PPP2R5E: variants seen among roughly 807,000 people sequenced by gnomAD.
PPP2R5E encodes the protein serine/threonine-protein phosphatase 2A 56 kDa regulatory subunit epsilon isoform.
Under a neutral mutation model 65.3 loss-of-function variants are expected in PPP2R5E, and 4 were observed. The ratio of observed to expected loss-of-function variants is 0.06; its 90% CI spans 0.03 to 0.14. PPP2R5E has a LOEUF of 0.14. PPP2R5E is among the 10% of genes least tolerant of loss of function. The probability of loss-of-function intolerance (pLI) is 1.00; values close to 1 mark genes in which losing one functional copy is unlikely to be tolerated. For missense variants in PPP2R5E, 274 were observed against 556.1 expected (o/e 0.49, Z 5.10); for synonymous variants, 183 against 187.4 (o/e 0.98, Z 0.19).
At chr14:63,538,055 TG>T (rs1294518356) in intron 2 of PPP2R5E, among the ~76,000 whole-genome samples, 2 of 152,076 alleles carry the variant, frequency 1.3e-5, no homozygotes, top group Admixed American at 1.3e-4. Context: ...GCCTAAATCC[TG>T]GCATGGGAAC....
intron 1 of PPP2R5E, among the ~76,000 whole-genome samples, chr14:63,540,555 A>G (rs957369088): frequency 6.6e-6 from 1 of 150,660 alleles, no homozygotes; most frequent in African/African-American, 2.4e-5. Flanking sequence ...TCTCTAATAA[A>G]AAAAAAAAAA....
In PPP2R5E at chr14:63,467,227, AAAAC is replaced by A. The variant is rs915267428; in HGVS notation, c.158-13346_158-13343del. 7.2e-5 allele frequency among the ~76,000 whole-genome samples: 10 copies of A among 139,072 alleles called. 1 individual carries two copies. Among genetic ancestry groups the A allele is most frequent in the Non-Finnish European group, 1.0e-4 (7 of 67,454 alleles). The allele number at this position is 139,072 out of a possible 152,430, so 91.2% of individuals were successfully genotyped here. A position where few individuals can be genotyped will look rare whatever the true frequency, so the allele number is the denominator to read the frequency against. ...GACAGAGCAAGACTCCGTCTCAAAAAAAACAAACAAACAAACAAAAAAAACACTA... is the reference window on the plus strand; with the variant it reads ...GACAGAGCAAGACTCCGTCTCAAAAAAAACAAACAAACAAAAAAAACACTA... On this transcript the variant is annotated intron_variant, in intron 2 of 13. Transcript: ENST00000337537.
At chr14:63,429,688 TG>T (rs1416637694) in intron 3 of PPP2R5E, among the ~76,000 whole-genome samples, 38 of 151,562 alleles carry the variant, frequency 2.5e-4, no homozygotes, top group African/African-American at 9.0e-4. Context: ...TTTTGTTTTT[TG>T]TTTTTTTTTT....
intron 4 of PPP2R5E, among the ~76,000 whole-genome samples, chr14:63,420,447 TA>T (rs145243596): frequency 2.0e-5 from 3 of 149,942 alleles, no homozygotes; most frequent in African/African-American, 4.9e-5. Context: ...TCTGGGACCT[TA>T]AAAAAAAAAT....
chr14:63,525,969 G>T lies in PPP2R5E; in HGVS notation c.157+13560C>A, dbSNP rs1382296248. ...CCGCATGGGTTCAAGAGATTCTCCTGCCTCAGCCTCCCAAGTAGCTGAGAT... is the reference window on the plus strand; with the variant it reads ...CCGCATGGGTTCAAGAGATTCTCCTTCCTCAGCCTCCCAAGTAGCTGAGAT... On this transcript the variant is annotated intron_variant, in intron 2 of 13. Coordinates refer to ENST00000337537, the MANE Select transcript of PPP2R5E (RefSeq NM_006246.5). 5.3e-5 allele frequency among the ~76,000 whole-genome samples: 8 copies of T among 152,240 alleles called. No homozygotes were observed. The South Asian group carries it at 1.7e-3, about 32-fold the overall frequency.
intron 10 of PPP2R5E, among the ~76,000 whole-genome samples, chr14:63,390,545 T>C (rs915442781): frequency 8.5e-5 from 13 of 152,172 alleles, no homozygotes; most frequent in Non-Finnish European, 1.8e-4. Context: ...GCAATCAAAA[T>C]ATGAAAAATA....
chr14:63,403,630 T>A, intron 5 of PPP2R5E, among the ~76,000 whole-genome samples: 1 of 141,206 alleles, frequency 7.1e-6, no homozygotes, highest in Admixed American at 7.2e-5. Flanking sequence ...AGGAAGAAGG[T>A]CTCCAAGAAA....
At chr14:63,465,956 G>T (rs1329065552) in intron 2 of PPP2R5E, among the ~76,000 whole-genome samples, 1 of 152,050 alleles carries the variant, frequency 6.6e-6, no homozygotes, top group East Asian at 1.9e-4. Flanking sequence ...ATAAGTTAAT[G>T]GAATTAAAGA....
rs1883795520 is a variant in PPP2R5E at position 63,373,377 on chromosome 14, G to GA, written c.*2631dup. 1 of 152,246 alleles carries GA rather than the reference G, an allele frequency of 6.6e-6. No homozygotes were observed. The highest frequency in any genetic ancestry group is 6.5e-5 in the Admixed American group (1 of 15,276). 9.4% of individuals were successfully genotyped at this position (152,246 alleles called of 1,614,324 possible). A position where few individuals can be genotyped will look rare whatever the true frequency, so the allele number is the denominator to read the frequency against. On this transcript the variant is annotated 3_prime_UTR_variant, in exon 14 of 14. Transcript: ENST00000337537. ...GCAGAATTGTGGGAAGGGACAGAGA[G>GA]AGAGGGCTGCTGCAAATGCAGCAAG...
intron 2 of PPP2R5E, among the ~76,000 whole-genome samples, chr14:63,526,777 G>A (rs1424854049): frequency 6.6e-6 from 1 of 152,120 alleles, no homozygotes; most frequent in Non-Finnish European, 1.5e-5. Flanking sequence ...GGCTGGTCTT[G>A]AACTCCTGGG....
At chr14:63,382,184 T>C (rs1319775078) in intron 12 of PPP2R5E, 27 bp from the exon 13 acceptor site, 2 of 1,567,746 alleles carry the variant, frequency 1.3e-6, no homozygotes, top group Non-Finnish European at 1.8e-6. Context: ...AAAAGGAGTG[T>C]GTTAGTTAGT....
intron 3 of PPP2R5E, among the ~76,000 whole-genome samples, chr14:63,427,229 A>G (rs1012287789): frequency 6.6e-6 from 1 of 152,204 alleles, no homozygotes; most frequent in East Asian, 1.9e-4. Context: ...GGTATTTCCA[A>G]AGTCACAAAC....
At chr14:63,385,423 TC>T (rs1292667081) in intron 11 of PPP2R5E, among the ~76,000 whole-genome samples, 1 of 152,176 alleles carries the variant, frequency 6.6e-6, no homozygotes, top group Non-Finnish European at 1.5e-5. Flanking sequence ...CTTCTCTAAT[TC>T]TGCCCATGTC....
At chr14:63,415,078 G>T in intron 5 of PPP2R5E, 62 bp downstream of exon 5, 2 of 1,220,224 alleles carry the variant, frequency 1.6e-6, no homozygotes, top group African/African-American at 1.5e-5. Context: ...CAAACATGAA[G>T]AGAAAATGAG....
intron 2 of PPP2R5E, among the ~76,000 whole-genome samples, chr14:63,496,212 G>A (rs1030353703): frequency 1.3e-5 from 2 of 152,038 alleles, no homozygotes; most frequent in Non-Finnish European, 2.9e-5. Flanking sequence ...CCTCAAGAGT[G>A]AGCCACTTGG....
chr14:63,384,624 A>G, intron 11 of PPP2R5E, 53 bp from the exon 12 acceptor site: 1 of 1,456,840 alleles, frequency 6.9e-7, no homozygotes, highest in Non-Finnish European at 9.4e-7. Flanking sequence ...CAAAGATAAA[A>G]CAAAATTATA....
intron 2 of PPP2R5E, among the ~76,000 whole-genome samples, chr14:63,467,602 G>C (rs1889901702): frequency 6.6e-6 from 1 of 152,140 alleles, no homozygotes; most frequent in South Asian, 2.1e-4. Context: ...TTAAAACTAA[G>C]CTCGGCAACT....
chr14:63,395,555 G>C, intron 6 of PPP2R5E, among the ~76,000 whole-genome samples: 1 of 37,426 alleles, frequency 2.7e-5, no homozygotes, highest in Non-Finnish European at 5.6e-5. Flanking sequence ...GAGGAGGAGA[G>C]GAGGGAAGAG....
intron 1 of PPP2R5E, among the ~76,000 whole-genome samples, chr14:63,540,110 CAG>C (rs1475797270): frequency 1.6e-4 from 21 of 130,058 alleles, no homozygotes; most frequent in African/African-American, 5.0e-4. Flanking sequence ...GCCTGAGTGA[CAG>C]AGTGAGATTC....
Sources: gnomAD v4.1 joint callset for allele counts (sites outside exome capture counted in the v4.1 genomes callset) on GRCh38, gnomAD v4.1.1 for gene constraint, MANE v1.5 for transcripts, NCBI Gene and HGNC (gene_info 2026-07-23, HGNC 2026-07-21) for gene names.